SUCO: variants seen among roughly 807,000 people sequenced by gnomAD.
The protein encoded by SUCO is SUN domain-containing ossification factor.
In SUCO, 57 loss-of-function variants were observed where a neutral mutation model predicts 148.1. The ratio of observed to expected loss-of-function variants is 0.38; its 90% CI spans 0.31 to 0.48. The LOEUF is 0.48. Ranked by LOEUF, SUCO falls within the 20% of genes least tolerant of loss-of-function variation. SUCO has a pLI of 0.96. For missense variants in SUCO, 1,331 were observed against 1,468.2 expected (o/e 0.91, Z 1.53); for synonymous variants, 470 against 502.7 (o/e 0.93, Z 0.87).
intron 14 of SUCO, 34 bp downstream of exon 14, chr1:172,578,423 A>AT (rs758080503): frequency 1.3e-5 from 21 of 1,577,356 alleles, no homozygotes; most frequent in Middle Eastern, 1.7e-4. Flanking sequence ...TGTTAGGTAT[A>AT]TTTTTTTTAC....
chr1:172,570,847 G>A (rs1654909454), intron 9 of SUCO, 117 bp downstream of exon 9: 1 of 667,694 alleles, frequency 1.5e-6, no homozygotes, highest in African/African-American at 1.8e-5. Flanking sequence ...TGATTGATTA[G>A]TGCTGATACT....
At position 172,586,019 on chromosome 1, in the gene SUCO, GAATTTGT is replaced by G. The variant is rs1656213642; in HGVS notation, c.1658+72_1658+78del. 1.2e-5 allele frequency: 12 copies of G among 997,434 alleles called. No individual in the cohort carries two copies. The South Asian group carries it at 2.0e-4, about 16-fold the overall frequency. 61.8% of individuals were successfully genotyped at this position (997,434 alleles called of 1,614,324 possible). A position where few individuals can be genotyped will look rare whatever the true frequency, so the allele number is the denominator to read the frequency against. ...GATAAGTATATTAGTATAAAAAAAG[GAATTTGT>G]GATTTGTGTGTGAAATGATTACCTG... On this transcript the variant is annotated intron_variant, in intron 17 of 23. Coordinates refer to ENST00000263688, the MANE Select transcript of SUCO (RefSeq NM_014283.5).
At chr1:172,545,582 C>G (rs566626867) in intron 1 of SUCO, among the ~76,000 whole-genome samples, 7 of 151,636 alleles carry the variant, frequency 4.6e-5, no homozygotes, top group African/African-American at 1.7e-4. Context: ...GCAGGGAAAT[C>G]AAAAAAAGCT....
intron 15 of SUCO, among the ~76,000 whole-genome samples, chr1:172,584,097 T>G (rs1047895261): frequency 9.9e-5 from 15 of 152,190 alleles, no homozygotes; most frequent in African/African-American, 3.6e-4. Flanking sequence ...TTAAAAAGAT[T>G]GCTGTTTTGG....
At chr1:172,538,770 G>C (rs1045005507) in intron 1 of SUCO, among the ~76,000 whole-genome samples, 1 of 152,044 alleles carries the variant, frequency 6.6e-6, no homozygotes. Flanking sequence ...TTTGCTCTAG[G>C]ATATATATTC....
chr1:172,591,289 A>G (rs1656645952), intron 19 of SUCO, among the ~76,000 whole-genome samples: 1 of 151,918 alleles, frequency 6.6e-6, no homozygotes, highest in Non-Finnish European at 1.5e-5. Context: ...TTTTTTAATT[A>G]TACTTTTAAG....
chr1:172,580,769 C>A (rs1280475417), intron 15 of SUCO, among the ~76,000 whole-genome samples: 1 of 152,110 alleles, frequency 6.6e-6, no homozygotes, highest in East Asian at 1.9e-4. Context: ...GATTTTCTTG[C>A]TATATCTTCC....
intron 20 of SUCO, 80 bp from the exon 21 acceptor site, chr1:172,601,984 G>C: frequency 2.2e-6 from 3 of 1,342,530 alleles, no homozygotes; most frequent in Non-Finnish European, 3.0e-6. Flanking sequence ...AAAATGATTT[G>C]TCCTTTGAAT....
At chr1:172,532,994 T>A (rs941062128), upstream of SUCO, 2 of 1,407,280 alleles carry the variant, frequency 1.4e-6, no homozygotes, top group South Asian at 1.5e-5. Context: ...CTGGTGGGGG[T>A]GCGGGCGCCG....
intron 19 of SUCO, among the ~76,000 whole-genome samples, chr1:172,596,049 C>T (rs922669970): frequency 6.6e-6 from 1 of 152,186 alleles, no homozygotes; most frequent in Admixed American, 6.5e-5. Context: ...CACTGATACC[C>T]TTTCCTCCAC....
chr1:172,602,045 A>G lies in SUCO; in HGVS notation c.3019-19A>G. ...ATATGATTTCCTATGATTATTATTT[A>G]ACCCTCTTCTCATCTCAGGTTTCAG... On this transcript the variant is annotated intron_variant, in intron 20 of 23. Coordinates refer to ENST00000263688, the MANE Select transcript of SUCO (RefSeq NM_014283.5). The G allele has an allele frequency of 6.3e-7, 1 of 1,589,720 alleles. No individual in the cohort carries two copies. The highest frequency in any genetic ancestry group is 8.5e-7 in the Non-Finnish European group (1 of 1,169,704).
intron 19 of SUCO, chr1:172,599,232 G>A (rs1019220277): frequency 6.6e-6 from 1 of 152,506 alleles, no homozygotes; most frequent in African/African-American, 2.4e-5. Context: ...GGGAGGCTGA[G>A]GCAGGAGAAT....
rs1571237586 is a variant in SUCO, at chr1:172,574,098, T to A, written c.1157+100T>A. On this transcript the variant is annotated intron_variant, in intron 10 of 23. Transcript: ENST00000263688. ...GGGTCACATTTTGACTTCAGTCCATTTATTTTTTAAAGGTCAGTTTGTAAT... is the reference window on the plus strand; with the variant it reads ...GGGTCACATTTTGACTTCAGTCCATATATTTTTTAAAGGTCAGTTTGTAAT... The A allele has an allele frequency of 4.4e-6, 3 of 680,870 alleles. No individual in the cohort carries two copies. In the East Asian group the frequency reaches 8.1e-5, roughly 18 times the overall value. The allele number at this position is 680,870 out of a possible 1,614,324, so 42.2% of individuals were successfully genotyped here.
In SUCO at chr1:172,557,266, G is replaced by C; in HGVS notation, c.444-14G>C. Reference sequence around the variant, plus strand: ...ATTTAATTACCAGATTATGTTTCTTGTTTCTTTTTTTAGTGAAATAGAAAA... The same window carrying C: ...ATTTAATTACCAGATTATGTTTCTTCTTTCTTTTTTTAGTGAAATAGAAAA... On this transcript the variant is annotated splice_polypyrimidine_tract_variant and intron_variant, in intron 4 of 23. Coordinates refer to ENST00000263688, the MANE Select transcript of SUCO (RefSeq NM_014283.5). The C allele has an allele frequency of 6.2e-7, 1 of 1,609,062 alleles. No individual in the cohort carries two copies. Among genetic ancestry groups the C allele is most frequent in the Non-Finnish European group, 8.5e-7 (1 of 1,177,494 alleles).
intron 19 of SUCO, among the ~76,000 whole-genome samples, chr1:172,594,258 G>C (rs1656908650): frequency 6.6e-6 from 1 of 150,802 alleles, no homozygotes; most frequent in East Asian, 1.9e-4. Flanking sequence ...TTTTTTGAAG[G>C]GTTTTTTGTG....
Position 172,555,919 on chromosome 1 carries a change from A to G in SUCO, c.339A>G (p.Thr113=). Reference sequence around the variant, plus strand: ...CACCGGTGGTGGAGACACTCCCTACAGTTGATTTGCATGAAGAGTCTTCCA... The same window carrying G: ...CACCGGTGGTGGAGACACTCCCTACGGTTGATTTGCATGAAGAGTCTTCCA... ...LSPPVVETLP[T]VDLHEESSNA... The change falls in exon 4 of 24, where the codon ACA becomes ACG. Residue 113 remains threonine, a synonymous_variant. Transcript: ENST00000263688. The G allele has an allele frequency of 1.2e-6, 2 of 1,613,288 alleles. No individual in the cohort carries two copies. Among genetic ancestry groups the G allele is most frequent in the Non-Finnish European group, 1.7e-6 (2 of 1,179,432 alleles).
rs766025462 is a variant in SUCO, at chr1:172,572,696, T to TTA, written c.1050-1195_1050-1194insTA. Among the ~76,000 whole-genome samples the TTA allele has an allele frequency of 5.2e-4, 26 of 49,614 alleles. No individual in the cohort carries two copies. The South Asian group carries it at 7.2e-3, about 14-fold the overall frequency. The allele number at this position is 49,614 out of a possible 152,430, so 32.5% of individuals were successfully genotyped here. On this transcript the variant is annotated intron_variant, in intron 9 of 23. Transcript: ENST00000263688. ...GTGAGAAACACCCAAGAATGATCAA[T>TTA]AAAAAAAAAAAAAAAAAAAAAAAAA...
At chr1:172,608,353 A>G (rs1382310143) in intron 22 of SUCO, 1 of 203,830 alleles carries the variant, frequency 4.9e-6, no homozygotes, top group Admixed American at 6.1e-5. Context: ...TTTAGAGGCT[A>G]GTCTTTTAGG....
chr1:172,577,273 A>G (rs141042432), intron 11 of SUCO: 203 of 167,160 alleles, frequency 1.2e-3, no homozygotes, highest in East Asian at 6.3e-3. Context: ...AATAACAGCA[A>G]TGGCTTGTAG....
Sources: allele counts gnomAD v4.1 joint callset (sites outside exome capture counted in the v4.1 genomes callset), GRCh38; gene constraint gnomAD v4.1.1; transcripts MANE v1.5; gene names NCBI Gene and HGNC (gene_info 2026-07-23, HGNC 2026-07-21).